The following NACAD variants were observed in gnomAD, a reference collection of about 807,000 sequenced individuals.
NACAD encodes the protein NAC alpha domain containing, also known as NAC-alpha domain-containing protein 1.
Under a neutral mutation model 98.9 loss-of-function variants are expected in NACAD, and 47 were observed. That is an observed-to-expected ratio of 0.48 (90% CI 0.38 to 0.61). NACAD has a LOEUF of 0.61. Ranked by LOEUF, NACAD falls within the 20% of genes least tolerant of loss-of-function variation. The pLI is 0.00. For missense variants in NACAD, 1,412 were observed against 1,748.2 expected (o/e 0.81, Z 3.43); for synonymous variants, 696 against 767.2 (o/e 0.91, Z 1.53).
chr7:45,082,589 T>C lies in NACAD; in HGVS notation c.3591A>G (p.Val1197=), dbSNP rs186679375. The C allele has an allele frequency of 1.9e-4, 286 of 1,541,652 alleles. 1 individual carries two copies. The highest frequency in any genetic ancestry group is 1.9e-3 in the Middle Eastern group (11 of 5,938). The change falls in exon 2 of 8, where the codon GTA becomes GTG. Residue 1197 remains valine, a synonymous_variant. Transcript: ENST00000490531. The surrounding 1 kb of genome is among the most constrained non-coding windows in gnomAD (Gnocchi z 4.5). ...GLGSVEQPHE[V]PSVLGTPLLQ... is the part of the protein sequence containing the mutation. Reference sequence around the variant, plus strand: ...GCAAGGGGGTGCCAAGGACACTGGGTACTTCGTGGGGTTGCTCAACACTGC... The same window carrying C: ...GCAAGGGGGTGCCAAGGACACTGGGCACTTCGTGGGGTTGCTCAACACTGC...
Position 45,085,512 on chromosome 7 carries a change from GCCGTAATGT to G in NACAD, c.659_667del (p.Tyr220_Ala223delinsSer). 1 of 1,550,762 alleles carries G rather than the reference GCCGTAATGT, an allele frequency of 6.4e-7. No individual in the cohort carries two copies. Among genetic ancestry groups the G allele is most frequent in the Non-Finnish European group, 8.7e-7 (1 of 1,146,940 alleles). On this transcript the variant is annotated inframe_deletion, in exon 2 of 8. Coordinates refer to ENST00000490531, the MANE Select transcript of NACAD (RefSeq NM_001146334.2). The surrounding 1 kb of genome is among the most constrained non-coding windows in gnomAD (Gnocchi z 6.1). Reference sequence around the variant, plus strand: ...TGAAGAGGCCCAGCTGTCCCCATCGGCCGTAATGTAGGAGCCCGAGGGTGAGGCGGGGGG... The same window carrying G: ...TGAAGAGGCCCAGCTGTCCCCATCGGAGGAGCCCGAGGGTGAGGCGGGGGG...
rs992255258 is a variant in NACAD at position 45,082,760 on chromosome 7, G to C, written c.3420C>G (p.Pro1140=). 6.5e-7 allele frequency: 1 copy of C among 1,548,298 alleles called. No homozygotes were observed. Among genetic ancestry groups the C allele is most frequent in the Non-Finnish European group, 8.7e-7 (1 of 1,145,818 alleles). The change falls in exon 2 of 8, where the codon CCC becomes CCG. Residue 1140 remains proline, a synonymous_variant. Coordinates refer to ENST00000490531, the MANE Select transcript of NACAD (RefSeq NM_001146334.2). This position sits in a 1 kb window ranked among gnomAD's most constrained non-coding sequence, Gnocchi z 4.5. ...GACTGGCCTCTGTGGCCACAGCTGAGGGAAGCGTGGGCTCCGGGGTGGACT... is the reference window on the plus strand; with the variant it reads ...GACTGGCCTCTGTGGCCACAGCTGACGGAAGCGTGGGCTCCGGGGTGGACT... ...SGKSTPEPTL[P]SAVATEASLD...
At position 45,082,483 on chromosome 7, in the gene NACAD, C is replaced by G. The variant is rs1351114722; in HGVS notation, c.3697G>C (p.Gly1233Arg). ...GGTAGGGCTGCCCCAGCAAGGGTAC[C>G]AGGAGCAGAAGGGTCAGGGCCCAGG... ...RPLGPDPSAP[G>R]TLAGAALPPL... Residue 1233 changes from glycine to arginine, a missense_variant, in exon 2 of 8, where the codon GGT becomes CGT. Physicochemically the swap from Gly to Arg is moderately radical, Grantham distance 125 (BLOSUM62 -2). Around this residue, in one of 5 missense-constraint regions of NACAD, gnomAD observed 572 missense variants for 639.6 expected, o/e 0.89. Transcript: ENST00000490531. The surrounding 1 kb of genome is among the most constrained non-coding windows in gnomAD (Gnocchi z 4.5). 1.3e-6 allele frequency: 2 copies of G among 1,549,388 alleles called. No individual in the cohort carries two copies. The highest frequency in any genetic ancestry group is 3.9e-5 in the Admixed American group (2 of 50,960).
At position 45,083,366 on chromosome 7, in the gene NACAD, CTCTGGACCTGAGGTGGGGCCTGTG is replaced by C. The variant is rs1427129332; in HGVS notation, c.2790_2813del (p.Asp930_Pro937del). The C allele has an allele frequency of 6.4e-7, 1 of 1,551,306 alleles. No homozygotes were observed. The highest frequency in any genetic ancestry group is 1.4e-5 in the African/African-American group (1 of 73,080). Reference sequence around the variant, plus strand: ...TTTGAGGGGTGGCCACAGCCAGAGGCTCTGGACCTGAGGTGGGGCCTGTGTCTTGCAGAGGCAGAGGTGCTGTCA... The same window carrying C: ...TTTGAGGGGTGGCCACAGCCAGAGGCTCTTGCAGAGGCAGAGGTGCTGTCA... On this transcript the variant is annotated inframe_deletion, in exon 2 of 8. Coordinates refer to ENST00000490531, the MANE Select transcript of NACAD (RefSeq NM_001146334.2).
chr7:45,083,076 G>C lies in NACAD; in HGVS notation c.3104C>G (p.Ser1035Cys). 1 of 1,550,898 alleles carries C rather than the reference G, an allele frequency of 6.4e-7. No individual in the cohort carries two copies. The highest frequency in any genetic ancestry group is 8.7e-7 in the Non-Finnish European group (1 of 1,147,022). Residue 1035 changes from serine to cysteine, a missense_variant, in exon 2 of 8, where the codon TCT becomes TGT. Around this residue, in one of 5 missense-constraint regions of NACAD, gnomAD observed 572 missense variants for 639.6 expected, o/e 0.89. Transcript: ENST00000490531. Reference sequence around the variant, plus strand: ...TTCTGCTATTTCCTCCCCAGCACCAGAGGCCGGCTCAGGGAGACTGAGGGC... The same window carrying C: ...TTCTGCTATTTCCTCCCCAGCACCACAGGCCGGCTCAGGGAGACTGAGGGC... ...MEALSLPEPA[S>C]GAGEEIAEAL... is the part of the protein sequence containing the mutation.
At position 45,085,622 on chromosome 7, in the gene NACAD, G is replaced by A; in HGVS notation, c.558C>T (p.Ala186=). Residue 186 remains alanine, a synonymous_variant, in exon 2 of 8, where the codon GCC becomes GCT. Transcript: ENST00000490531. This position sits in a 1 kb window ranked among gnomAD's most constrained non-coding sequence, Gnocchi z 6.1. ...PPSTPTKTTY[A]LLPACGPHGD... is the part of the protein sequence containing the mutation. ...CGTGGGGCCCACAGGCAGGAAGCAGGGCATAGGTGGTCTTGGTGGGGGTGG... is the reference window on the plus strand; with the variant it reads ...CGTGGGGCCCACAGGCAGGAAGCAGAGCATAGGTGGTCTTGGTGGGGGTGG... 1 of 1,549,376 alleles carries A rather than the reference G, an allele frequency of 6.5e-7. No individual in the cohort carries two copies. Among genetic ancestry groups the A allele is most frequent in the South Asian group, 1.2e-5 (1 of 83,830 alleles).
In NACAD at chr7:45,088,738, G is replaced by A. The variant is rs1173714776; in HGVS notation, c.67+90C>T. The stretch of plus-strand genomic sequence containing the variant: ...GACTCGAGGGGGGCCAGGGGGATGG[G>A]GGAGAGGGGTGAAAGGTGAGCGATG... On this transcript the variant is annotated intron_variant, in intron 1 of 7. Transcript: ENST00000490531. The surrounding 1 kb of genome is among the most constrained non-coding windows in gnomAD (Gnocchi z 5.7). 1.2e-5 allele frequency: 14 copies of A among 1,131,474 alleles called. No homozygotes were observed. The highest frequency in any genetic ancestry group is 1.7e-5 in the Non-Finnish European group (14 of 848,446). The allele number at this position is 1,131,474 out of a possible 1,614,324, so 70.1% of individuals were successfully genotyped here.
rs1341692806 is a variant in NACAD, at chr7:45,085,551, T to C, written c.629A>G (p.Asp210Gly). The C allele has an allele frequency of 5.8e-6, 9 of 1,548,390 alleles. No homozygotes were observed. The Admixed American group carries it at 1.8e-4, about 31-fold the overall frequency. ...SEAELRDELL[D>G]SPPASPSGSY... is the part of the protein sequence containing the mutation. ...GCCCGAGGGTGAGGCGGGGGGCGAG[T>C]CCAGCAGCTCATCCCGCAGCTCAGC... is the stretch of plus-strand genomic sequence containing the variant. Residue 210 changes from aspartate to glycine, a missense_variant, in exon 2 of 8, where the codon GAC becomes GGC. By Grantham distance (94) the Asp-to-Gly change is moderately conservative. Transcript: ENST00000490531. This position sits in a 1 kb window ranked among gnomAD's most constrained non-coding sequence, Gnocchi z 6.1.
In NACAD at chr7:45,085,479, CAGG is replaced by C; in HGVS notation, c.698_700del (p.Ser233del). On this transcript the variant is annotated inframe_deletion, in exon 2 of 8. Transcript: ENST00000490531. The surrounding 1 kb of genome is among the most constrained non-coding windows in gnomAD (Gnocchi z 6.1). The stretch of plus-strand genomic sequence containing the variant: ...AGCCGGAGCCAGCAGGCTGAGGGAA[CAGG>C]AGGGTGAAGAGGCCCAGCTGTCCCC... 1 of 1,550,700 alleles carries C rather than the reference CAGG, an allele frequency of 6.4e-7. No individual in the cohort carries two copies. The highest frequency in any genetic ancestry group is 2.0e-5 in the Admixed American group (1 of 50,962).
rs1291579892 is a variant in NACAD at position 45,082,624 on chromosome 7, G to A, written c.3556C>T (p.Leu1186=). The change falls in exon 2 of 8, where the codon CTG becomes TTG. Residue 1186 remains leucine (L), a synonymous_variant. Coordinates refer to ENST00000490531, the MANE Select transcript of NACAD (RefSeq NM_001146334.2). The surrounding 1 kb of genome is among the most constrained non-coding windows in gnomAD (Gnocchi z 4.5). ...GGTTGCTCAACACTGCCCAGACCCA[G>A]TACAGGCTCCGGCTGCTGGGAGGTT... ...APTSQQPEPV[L]GLGSVEQPHE... The A allele has an allele frequency of 1.3e-6, 2 of 1,521,334 alleles. No homozygotes were observed. The highest frequency in any genetic ancestry group is 1.8e-6 in the Non-Finnish European group (2 of 1,131,088). 94.2% of individuals were successfully genotyped at this position (1,521,334 alleles called of 1,614,324 possible).
intron 1 of NACAD, among the ~76,000 whole-genome samples, chr7:45,087,718 C>T (rs989021368): frequency 2.6e-5 from 4 of 152,224 alleles, no homozygotes; most frequent in Non-Finnish European, 5.9e-5. Flanking sequence ...GGTGATGGGA[C>T]ATCCAGGGGG....
chr7:45,081,346 A>C lies in NACAD; in HGVS notation c.4258-83T>G, dbSNP rs1030971257. 6 of 1,502,764 alleles carry C rather than the reference A, an allele frequency of 4.0e-6. No individual in the cohort carries two copies. In the African/African-American group the frequency reaches 8.3e-5, roughly 21 times the overall value. The allele number at this position is 1,502,764 out of a possible 1,614,324, so 93.1% of individuals were successfully genotyped here. On this transcript the variant is annotated intron_variant, in intron 4 of 7. Coordinates refer to ENST00000490531, the MANE Select transcript of NACAD (RefSeq NM_001146334.2). ...AGAGCAGCACAGTGCCCAGGAAGGC[A>C]AAGTCTCCACCGCCAACTTCCCCAA...
rs1408990493 is a variant in NACAD at position 45,082,768 on chromosome 7, T to C, written c.3412A>G (p.Thr1138Ala). ...TCTGTGGCCACAGCTGAGGGAAGCG[T>C]GGGCTCCGGGGTGGACTTGCCACTC... ...GLSGKSTPEPTLPSAVATEAS... is the reference protein window; with the variant it reads ...GLSGKSTPEPALPSAVATEAS... Residue 1138 changes from threonine to alanine, a missense_variant, in exon 2 of 8, where the codon ACG (threonine) becomes GCG (alanine). Thr to Ala is a moderately conservative substitution (Grantham distance 58, BLOSUM62 0). Coordinates refer to ENST00000490531, the MANE Select transcript of NACAD (RefSeq NM_001146334.2). This position sits in a 1 kb window ranked among gnomAD's most constrained non-coding sequence, Gnocchi z 4.5. 2.2e-5 allele frequency: 34 copies of C among 1,548,580 alleles called. No homozygotes were observed. In the East Asian group the frequency reaches 7.6e-4, roughly 35 times the overall value.
chr7:45,081,987 T>A, intron 2 of NACAD, 120 bp from the exon 3 acceptor site: 1 of 1,443,982 alleles, frequency 6.9e-7, no homozygotes, highest in Non-Finnish European at 9.3e-7. Context: ...CTCTCCATGG[T>A]GGCTGTGGGG....
At chr7:45,081,506 G>C (rs554335289) in intron 4 of NACAD, 95 bp downstream of exon 4, 1 of 1,456,620 alleles carries the variant, frequency 6.9e-7, no homozygotes, top group African/African-American at 1.4e-5. Flanking sequence ...TGATGGATGG[G>C]ATTTCATTAG....
chr7:45,082,778 G>A lies in NACAD; in HGVS notation c.3402C>T (p.Thr1134=). The A allele has an allele frequency of 6.5e-7, 1 of 1,549,494 alleles. No homozygotes were observed. The highest frequency in any genetic ancestry group is 8.7e-7 in the Non-Finnish European group (1 of 1,146,488). ...REERGLSGKS[T]PEPTLPSAVA... is the part of the protein sequence containing the mutation. Reference sequence around the variant, plus strand: ...CAGCTGAGGGAAGCGTGGGCTCCGGGGTGGACTTGCCACTCAGGCCTCTTT... The same window carrying A: ...CAGCTGAGGGAAGCGTGGGCTCCGGAGTGGACTTGCCACTCAGGCCTCTTT... Residue 1134 remains threonine (T), a synonymous_variant, in exon 2 of 8, where the codon ACC becomes ACT. Transcript: ENST00000490531. This position sits in a 1 kb window ranked among gnomAD's most constrained non-coding sequence, Gnocchi z 4.5.
rs1036444532 is a variant in NACAD at position 45,081,984 on chromosome 7, T to C, written c.4073-117A>G. 1.5e-4 allele frequency: 220 copies of C among 1,437,516 alleles called. 1 individual carries two copies. The African/African-American group carries it at 2.8e-3, about 18-fold the overall frequency. 89.0% of individuals were successfully genotyped at this position (1,437,516 alleles called of 1,614,324 possible). The stretch of plus-strand genomic sequence containing the variant: ...CAGAGGAAGCAGTGCCAGCTCTCCA[T>C]GGTGGCTGTGGGGTCTGGGCCCCCC... On this transcript the variant is annotated intron_variant, in intron 2 of 7. Coordinates refer to ENST00000490531, the MANE Select transcript of NACAD (RefSeq NM_001146334.2).
At position 45,082,253 on chromosome 7, in the gene NACAD, C is replaced by T. The variant is rs1446426904; in HGVS notation, c.3927G>A (p.Lys1309=). 5 of 1,550,118 alleles carry T rather than the reference C, an allele frequency of 3.2e-6. No individual in the cohort carries two copies. Among genetic ancestry groups the T allele is most frequent in the East Asian group, 2.4e-5 (1 of 40,914 alleles). Reference sequence around the variant, plus strand: ...GGTCTTTGGCATCCATGGAGGCCACCTTGGGGCTGAGGAGTGGGGAGTGAG... The same window carrying T: ...GGTCTTTGGCATCCATGGAGGCCACTTTGGGGCTGAGGAGTGGGGAGTGAG... ...LSPHSPLLSP[K]VASMDAKDLA... Residue 1309 remains lysine, a synonymous_variant, in exon 2 of 8, where the codon AAG becomes AAA. Transcript: ENST00000490531. The surrounding 1 kb of genome is among the most constrained non-coding windows in gnomAD (Gnocchi z 4.5).
chr7:45,083,222 G>C lies in NACAD; in HGVS notation c.2958C>G (p.Leu986=). 1.3e-6 allele frequency: 2 copies of C among 1,550,928 alleles called. No homozygotes were observed. Among genetic ancestry groups the C allele is most frequent in the South Asian group, 1.2e-5 (1 of 84,066 alleles). Residue 986 remains leucine (L), a synonymous_variant, in exon 2 of 8, where the codon CTC becomes CTG. Coordinates refer to ENST00000490531, the MANE Select transcript of NACAD (RefSeq NM_001146334.2). Reference sequence around the variant, plus strand: ...AGGCTGCAGGCTCCGGGACTGTAGGGAGGGCTGCATTCTTCTCCTCAGGTG... The same window carrying C: ...AGGCTGCAGGCTCCGGGACTGTAGGCAGGGCTGCATTCTTCTCCTCAGGTG... ...RPAPEEKNAA[L]PTVPEPAALD... is the part of the protein sequence containing the mutation.
Sources: allele counts gnomAD v4.1 joint callset (sites outside exome capture counted in the v4.1 genomes callset), GRCh38; gene constraint gnomAD v4.1.1; regional missense constraint gnomAD v4.1.1; non-coding constraint Gnocchi (gnomAD v3.1); transcripts MANE v1.5; gene names NCBI Gene and HGNC (gene_info 2026-07-23, HGNC 2026-07-21).